ZGRF1: variants seen among roughly 807,000 people sequenced by gnomAD.
ZGRF1 encodes the protein zinc finger GRF-type containing 1.
A neutral mutation model predicts 203.5 loss-of-function variants in ZGRF1; 196 were observed. The ratio of observed to expected loss-of-function variants is 0.96; its 90% CI spans 0.86 to 1.08. ZGRF1 has a LOEUF of 1.08. ZGRF1 is among the 50% of genes least tolerant of loss of function. The pLI is 0.00. For missense variants in ZGRF1, 2,326 were observed against 2,416.3 expected, an observed-to-expected ratio of 0.96 and a Z score of 0.78; for synonymous variants, 809 against 841.3, an observed-to-expected ratio of 0.96 and a Z score of 0.66.
chr4:112,634,365 G>T (rs1441724733), intron 1 of ZGRF1, among the ~76,000 whole-genome samples: 1 of 152,140 alleles, frequency 6.6e-6, no homozygotes, highest in African/African-American at 2.4e-5. Context: ...GCCAGTGAAG[G>T]TCTTCCCAAA....
At position 112,589,864 on chromosome 4, in the gene ZGRF1, G is replaced by A; in HGVS notation, c.2987C>T (p.Pro996Leu). 1.3e-6 allele frequency: 2 copies of A among 1,598,128 alleles called. No individual in the cohort carries two copies. The highest frequency in any genetic ancestry group is 1.7e-6 in the Non-Finnish European group (2 of 1,174,126). ...GCTCAATGTAGAGATGTTTTCTTCT[G>A]GTGATGTCACCTATACAGAAAGAAG... is the stretch of plus-strand genomic sequence containing the variant. ...MQIDFLQVTS[P>L]EENISTLSPV... Residue 996 changes from proline to leucine, a missense_variant, in exon 11 of 28, where the codon CCA (proline) becomes CTA (leucine). Transcript: ENST00000505019.
chr4:112,585,276 T>C (rs1211677385), intron 14 of ZGRF1, among the ~76,000 whole-genome samples: 3 of 151,228 alleles, frequency 2.0e-5, no homozygotes, highest in Admixed American at 6.6e-5. Context: ...TCTAAAAAAA[T>C]AGTAATAATA....
chr4:112,592,858 C>A (rs1748408606), intron 10 of ZGRF1, among the ~76,000 whole-genome samples: 1 of 152,216 alleles, frequency 6.6e-6, no homozygotes, highest in Non-Finnish European at 1.5e-5. Context: ...TTTGAAGACA[C>A]AGCCTTTAGG....
chr4:112,563,322 G>A, intron 16 of ZGRF1, 48 bp from the exon 17 acceptor site: 1 of 1,390,496 alleles, frequency 7.2e-7, no homozygotes, highest in Non-Finnish European at 9.8e-7. Context: ...ATACAGTATG[G>A]TTTTATATTT....
Position 112,539,866 on chromosome 4 carries a change from C to T in ZGRF1, c.6169G>A (p.Glu2057Lys), listed in dbSNP as rs1224434904. 5.0e-6 allele frequency: 8 copies of T among 1,613,450 alleles called. No individual in the cohort carries two copies. The highest frequency in any genetic ancestry group is 6.8e-6 in the Non-Finnish European group (8 of 1,179,608). ...QLWGRVIQHC[E>K]GREDGLQHAN... is the part of the protein sequence containing the mutation. ...ATTAAACCCATTTTTATTTTACCTT[C>T]GCAGTGTTGGATCACTCGTCCCCAA... The change falls in exon 27 of 28, where the codon GAA (glutamate) becomes AAA (lysine). Residue 2057 changes from glutamate to lysine, a missense_variant. By Grantham distance (56) the Glu-to-Lys change is moderately conservative. Coordinates refer to ENST00000505019, the MANE Select transcript of ZGRF1 (RefSeq NM_018392.5).
chr4:112,592,205 C>T (rs553910263), intron 10 of ZGRF1, among the ~76,000 whole-genome samples: 5 of 149,962 alleles, frequency 3.3e-5, no homozygotes, highest in East Asian at 4.0e-4. Context: ...ACAAGCAATT[C>T]TCGTGCCTCA....
intron 10 of ZGRF1, among the ~76,000 whole-genome samples, chr4:112,603,011 CTTT>C (rs33921637): frequency 0.014 from 2,145 of 151,846 alleles, 17 homozygotes; most frequent in Middle Eastern, 0.045. Flanking sequence ...ATGTATTATG[CTTT>C]TTTTTCTTTA....
intron 10 of ZGRF1, among the ~76,000 whole-genome samples, chr4:112,590,924 CA>C (rs550984359): frequency 0.13 from 8,296 of 64,600 alleles, 281 homozygotes; most frequent in East Asian, 0.34. Context: ...GACTCCTTCT[CA>C]AAAAAAAAAA....
chr4:112,611,147 A>C (rs1271864379), intron 7 of ZGRF1: 2 of 164,110 alleles, frequency 1.2e-5, no homozygotes, highest in East Asian at 3.7e-4. Context: ...TCATGCCTGT[A>C]ATCCCAGCAC....
At chr4:112,628,215 G>GCT (rs776705382) in intron 3 of ZGRF1, among the ~76,000 whole-genome samples, 1 of 152,186 alleles carries the variant, frequency 6.6e-6, no homozygotes, top group Non-Finnish European at 1.5e-5. Context: ...TTCATTGCGT[G>GCT]CTCAGGATGT....
chr4:112,558,699 C>A (rs1741404011), intron 19 of ZGRF1, among the ~76,000 whole-genome samples: 2 of 152,358 alleles, frequency 1.3e-5, no homozygotes, highest in South Asian at 4.1e-4. Flanking sequence ...TTTCATCCAT[C>A]TCTCCCTCCT....
Position 112,547,419 on chromosome 4 carries a change from A to G in ZGRF1, c.5475-11T>C. On this transcript the variant is annotated splice_polypyrimidine_tract_variant and intron_variant, in intron 23 of 27. Coordinates refer to ENST00000505019, the MANE Select transcript of ZGRF1 (RefSeq NM_018392.5). ...TTTTCACACTCAAACCTAAAACAGA[A>G]TTTCAAAAATTAATCTAAGCAATTA... 1 of 1,595,822 alleles carries G rather than the reference A, an allele frequency of 6.3e-7. No individual in the cohort carries two copies. Among genetic ancestry groups the G allele is most frequent in the Non-Finnish European group, 8.5e-7 (1 of 1,174,102 alleles).
At chr4:112,633,125 T>G (rs1426802463) in intron 2 of ZGRF1, 31 bp downstream of exon 2, 2 of 1,595,150 alleles carry the variant, frequency 1.3e-6, no homozygotes, top group Admixed American at 1.7e-5. Context: ...GAAGGGAATT[T>G]CACCAAACTG....
chr4:112,618,687 G>C lies in ZGRF1; in HGVS notation c.1355C>G (p.Ser452Ter). The change falls in exon 6 of 28, where the codon TCA becomes TGA. Residue 452 changes from serine to a stop codon, truncating the protein, a stop_gained. Transcript: ENST00000505019. LOFTEE classifies it high-confidence loss of function. The stretch of plus-strand genomic sequence containing the variant: ...CTGAGCATTTTCTTTAATGAGAACT[G>C]ATCCTTTAATGCACCCCTTGTCATT... ...NQNDKGCIKG[S>*]VLIKENAQEV... 1 of 1,612,310 alleles carries C rather than the reference G, an allele frequency of 6.2e-7. No individual in the cohort carries two copies. Among genetic ancestry groups the C allele is most frequent in the Non-Finnish European group, 8.5e-7 (1 of 1,179,594 alleles).
chr4:112,565,189 T>G, intron 16 of ZGRF1: 1 of 1,544,856 alleles, frequency 6.5e-7, no homozygotes. Context: ...CTAACTTCCC[T>G]TCCAGCGTCT....
intron 15 of ZGRF1, among the ~76,000 whole-genome samples, chr4:112,583,190 G>A (rs960478800): frequency 2.0e-5 from 3 of 152,010 alleles, no homozygotes; most frequent in African/African-American, 4.8e-5. Context: ...TATCAGCTCC[G>A]AATAAAAATC....
chr4:112,619,551 A>G lies in ZGRF1; in HGVS notation c.491T>C (p.Val164Ala). ...TATATTATTTACATCTTTCTTGCCA[A>G]CAGTAGGAAACAAAGGAGGCATGCT... The part of the protein sequence containing the change: ...FCSMPPLFPT[V>A]GKKDVNNILA... The change falls in exon 6 of 28, where the codon GTT (valine) becomes GCT (alanine). Residue 164 changes from valine (V) to alanine (A), a missense_variant. Physicochemically the swap from Val to Ala is moderately conservative, Grantham distance 64. Coordinates refer to ENST00000505019, the MANE Select transcript of ZGRF1 (RefSeq NM_018392.5). 6.2e-7 allele frequency: 1 copy of G among 1,614,142 alleles called. No homozygotes were observed.
intron 19 of ZGRF1, among the ~76,000 whole-genome samples, chr4:112,559,629 C>T (rs1373898159): frequency 6.6e-6 from 1 of 152,182 alleles, no homozygotes; most frequent in African/African-American, 2.4e-5. Context: ...TACTAAGCAC[C>T]TCCCATGTGC....
chr4:112,549,738 G>A (rs1409218649), intron 22 of ZGRF1, among the ~76,000 whole-genome samples: 1 of 151,676 alleles, frequency 6.6e-6, no homozygotes, highest in South Asian at 2.1e-4. Context: ...ATTTACTATA[G>A]TATACTTTTA....
Sources: gnomAD v4.1 joint callset for allele counts (sites outside exome capture counted in the v4.1 genomes callset) on GRCh38, gnomAD v4.1.1 for gene constraint, MANE v1.5 for transcripts, NCBI Gene and HGNC (gene_info 2026-07-23, HGNC 2026-07-21) for gene names.